The following LDHB variants were observed in gnomAD, a reference collection of about 807,000 sequenced individuals.
LDHB encodes lactate dehydrogenase B.
In LDHB, 18 loss-of-function variants were observed where a neutral mutation model predicts 33.4. The ratio of observed to expected loss-of-function variants is 0.54; its 90% CI spans 0.37 to 0.80. The LOEUF (loss-of-function observed/expected upper bound fraction) is 0.80. LDHB is among the 30% of genes least tolerant of loss of function. LDHB has a pLI of 0.00. For missense variants in LDHB, 345 were observed against 407.9 expected (o/e 0.85, Z 1.33); for synonymous variants, 121 against 140.6 (o/e 0.86, Z 0.98).
chr12:21,646,494 G>A (rs751239437), intron 3 of LDHB, among the ~76,000 whole-genome samples: 4 of 152,068 alleles, frequency 2.6e-5, no homozygotes, highest in African/African-American at 7.2e-5. Context: ...TAGAAGAAAC[G>A]TGGTAAAATA....
chr12:21,656,018 CTTTTT>C (rs1271867456), intron 1 of LDHB, among the ~76,000 whole-genome samples: 1 of 152,228 alleles, frequency 6.6e-6, no homozygotes, highest in Admixed American at 6.5e-5. Flanking sequence ...TTGTTTTTTA[CTTTTT>C]ATGTCGCATC....
intron 4 of LDHB, 78 bp downstream of exon 4, chr12:21,643,857 T>C: frequency 8.9e-7 from 1 of 1,129,684 alleles, no homozygotes. Flanking sequence ...TGGGACTGAT[T>C]TTAGTCCAAA....
chr12:21,645,000 ATTAAGAGACTCCAT>A (rs1938481509), intron 3 of LDHB, among the ~76,000 whole-genome samples: 1 of 152,154 alleles, frequency 6.6e-6, no homozygotes, highest in South Asian at 2.1e-4. Context: ...AGAAGTAGAC[ATTAAGAGACTCCAT>A]TTTGTTCTGT....
At chr12:21,644,229 G>T in intron 3 of LDHB, 121 bp from the exon 4 acceptor site, 1 of 712,398 alleles carries the variant, frequency 1.4e-6, no homozygotes. Flanking sequence ...TGTGAATTAA[G>T]TTTTCTGTAT....
intron 2 of LDHB, among the ~76,000 whole-genome samples, chr12:21,648,489 T>C (rs1938591857): frequency 6.6e-6 from 1 of 151,864 alleles, no homozygotes; most frequent in African/African-American, 2.4e-5. Context: ...GGTCAACCTC[T>C]TCTAAGAATA....
At chr12:21,646,495 T>A (rs1439699002) in intron 3 of LDHB, among the ~76,000 whole-genome samples, 1 of 152,204 alleles carries the variant, frequency 6.6e-6, no homozygotes, top group Non-Finnish European at 1.5e-5. Flanking sequence ...AGAAGAAACG[T>A]GGTAAAATAA....
intron 5 of LDHB, among the ~76,000 whole-genome samples, chr12:21,640,481 GAT>G (rs1045427507): frequency 6.6e-6 from 1 of 151,830 alleles, no homozygotes; most frequent in Non-Finnish European, 1.5e-5. Flanking sequence ...TTAAATAATT[GAT>G]AGTTATAATT....
In LDHB at chr12:21,637,118, T is replaced by C. The variant is rs369578843; in HGVS notation, c.790A>G (p.Met264Val). 4 of 1,607,774 alleles carry C rather than the reference T, an allele frequency of 2.5e-6. No homozygotes were observed. The highest frequency in any genetic ancestry group is 1.3e-5 in the African/African-American group (1 of 74,808). ...TGAATCCTGGATAGATTTTTCAACA[T>C]GGATTCAATAAGATCAGCCACACTT... Reference protein sequence around the residue: ...GLSVADLIESMLKNLSRIHPV... With the variant: ...GLSVADLIESVLKNLSRIHPV... Residue 264 changes from methionine (M) to valine (V), a missense_variant, in exon 7 of 8, where the codon ATG (methionine) becomes GTG (valine). Met to Val is a conservative substitution (Grantham distance 21, BLOSUM62 1). Transcript: ENST00000350669.
intron 3 of LDHB, among the ~76,000 whole-genome samples, chr12:21,645,757 A>T (rs1316001106): frequency 6.6e-6 from 1 of 152,034 alleles, no homozygotes; most frequent in Non-Finnish European, 1.5e-5. Flanking sequence ...ATGATCAATA[A>T]ATACTAAGGG....
intron 1 of LDHB, among the ~76,000 whole-genome samples, chr12:21,656,284 G>C (rs1294687044): frequency 9.9e-5 from 15 of 152,008 alleles, no homozygotes; most frequent in African/African-American, 3.6e-4. Flanking sequence ...AGATTCTTTC[G>C]CCTTTACAGA....
chr12:21,650,151 C>CACATATAT (rs142403823), intron 2 of LDHB, among the ~76,000 whole-genome samples: 670 of 32,740 alleles, frequency 0.02, 14 homozygotes, highest in African/African-American at 0.053. Context: ...CACACACACA[C>CACATATAT]GTCTCTCTCT....
chr12:21,652,731 T>C (rs1938728688), intron 2 of LDHB, among the ~76,000 whole-genome samples: 1 of 152,100 alleles, frequency 6.6e-6, no homozygotes, highest in Non-Finnish European at 1.5e-5. Context: ...GACAGTGACC[T>C]AGTCAATTGA....
intron 3 of LDHB, among the ~76,000 whole-genome samples, chr12:21,644,603 A>G (rs933194119): frequency 1.3e-5 from 2 of 152,134 alleles, no homozygotes; most frequent in Non-Finnish European, 2.9e-5. Context: ...TAGCGCTGCA[A>G]GTTTCCCTGG....
At chr12:21,639,663 AGGAAACAG>A (rs1309578009) in intron 5 of LDHB, among the ~76,000 whole-genome samples, 2 of 152,158 alleles carry the variant, frequency 1.3e-5, no homozygotes, top group African/African-American at 4.8e-5. Context: ...TTTATAGATG[AGGAAACAG>A]GTTCAGAGAA....
At position 21,637,058 on chromosome 12, in the gene LDHB, T is replaced by C. The variant is rs983706220; in HGVS notation, c.837+13A>G. 4 of 1,590,122 alleles carry C rather than the reference T, an allele frequency of 2.5e-6. No homozygotes were observed. Among genetic ancestry groups the C allele is most frequent in the Admixed American group, 1.7e-5 (1 of 59,930 alleles). On this transcript the variant is annotated intron_variant, in intron 7 of 7. Coordinates refer to ENST00000350669, the MANE Select transcript of LDHB (RefSeq NM_002300.8). ...CGAGAAATCATATTACATTTTGTGG[T>C]AGTTTGTCTTACCTTTACCATTGTT...
chr12:21,655,833 C>A (rs569236117), intron 1 of LDHB, among the ~76,000 whole-genome samples: 1 of 152,208 alleles, frequency 6.6e-6, no homozygotes, highest in East Asian at 1.9e-4. Context: ...TTCTAGATAA[C>A]TGAAAAAAAG....
intron 2 of LDHB, 121 bp from the exon 3 acceptor site, chr12:21,647,137 T>A: frequency 1.5e-6 from 1 of 676,460 alleles, no homozygotes; most frequent in Non-Finnish European, 2.6e-6. Flanking sequence ...ATCTTGAGAA[T>A]TTTACCATGG....
rs1591826458 is a variant in LDHB, at chr12:21,637,384, T to C, written c.714-190A>G. On this transcript the variant is annotated intron_variant, in intron 6 of 7. Coordinates refer to ENST00000350669, the MANE Select transcript of LDHB (RefSeq NM_002300.8). The stretch of plus-strand genomic sequence containing the variant: ...GTAAAATGCTTAAAACTGTAAGCAC[T>C]ACACAGTAAACACTATATAAATGCT... 10 of 563,376 alleles carry C rather than the reference T, an allele frequency of 1.8e-5. No homozygotes were observed. In the East Asian group the frequency reaches 3.0e-4, roughly 17 times the overall value. 34.9% of individuals were successfully genotyped at this position (563,376 alleles called of 1,614,324 possible).
chr12:21,645,236 T>A (rs60518125), intron 3 of LDHB, among the ~76,000 whole-genome samples: 1 of 151,942 alleles, frequency 6.6e-6, no homozygotes, highest in Non-Finnish European at 1.5e-5. Flanking sequence ...CAGTACACTA[T>A]GGAAGGCCGC....
Sources: gnomAD v4.1 joint callset for allele counts (sites outside exome capture counted in the v4.1 genomes callset) on GRCh38, gnomAD v4.1.1 for gene constraint, MANE v1.5 for transcripts, NCBI Gene and HGNC (gene_info 2026-07-23, HGNC 2026-07-21) for gene names.